The following LRRC49 variants were observed in gnomAD, a reference collection of about 807,000 sequenced individuals.
LRRC49 encodes the protein leucine rich repeat containing 49, also known as leucine-rich repeat-containing protein 49.
Under a neutral mutation model 83.3 loss-of-function variants are expected in LRRC49, and 50 were observed. That is an observed-to-expected ratio of 0.60 (90% CI 0.48 to 0.76). The LOEUF (loss-of-function observed/expected upper bound fraction) is 0.76, where lower values mean the gene tolerates loss of function less well. Ranked by LOEUF, LRRC49 falls within the 30% of genes least tolerant of loss-of-function variation. LRRC49 has a pLI of 0.00. For synonymous variants in LRRC49, 286 were observed against 283.3 expected (o/e 1.01, Z -0.10); for missense variants, 704 against 809.1 (o/e 0.87, Z 1.58).
intron 7 of LRRC49, chr15:70,936,385 T>C (rs919327570): frequency 1.8e-5 from 3 of 169,332 alleles, no homozygotes; most frequent in Non-Finnish European, 3.8e-5. Context: ...ATGTTAAAGC[T>C]TTTGAATGGC....
chr15:70,984,285 A>T, intron 11 of LRRC49, 28 bp downstream of exon 11: 1 of 1,538,846 alleles, frequency 6.5e-7, no homozygotes, highest in Non-Finnish European at 8.8e-7. Context: ...TTCAAGATAC[A>T]AGCATCTTTG....
intron 6 of LRRC49, among the ~76,000 whole-genome samples, chr15:70,912,219 T>C (rs373348273): frequency 2.0e-5 from 3 of 152,188 alleles, no homozygotes; most frequent in East Asian, 3.8e-4. Context: ...CAGTTTCTTA[T>C]TGATAGACAT....
At chr15:70,879,713 T>A (rs894442807) in intron 2 of LRRC49, among the ~76,000 whole-genome samples, 6 of 152,210 alleles carry the variant, frequency 3.9e-5, no homozygotes, top group Admixed American at 6.5e-5. Context: ...CTGGCAGCAC[T>A]GAATTCCTAC....
chr15:70,892,929 G>C lies in LRRC49; in HGVS notation c.35G>C (p.Arg12Pro). The change falls in exon 1 of 16, where the codon CGG (arginine) becomes CCG (proline). Residue 12 changes from arginine (R) to proline (P), a missense_variant. Physicochemically the swap from Arg to Pro is moderately radical, Grantham distance 103. Around this residue, in one of 3 missense-constraint regions of LRRC49, gnomAD observed 261 missense variants for 330.5 expected, o/e 0.79. Transcript: ENST00000260382. ...GGGAAATATCGCTCTGTTTCTGGCC[G>C]GGCTGCGAACAACGTAAGTTGGGCC... ...IPGKYRSVSGRAANNVNCGLH... is the reference protein window; with the variant it reads ...IPGKYRSVSGPAANNVNCGLH... 1.2e-6 allele frequency: 2 copies of C among 1,614,154 alleles called. No individual in the cohort carries two copies. The highest frequency in any genetic ancestry group is 1.7e-6 in the Non-Finnish European group (2 of 1,180,024).
At chr15:70,962,871 T>C (rs2141197197) in intron 8 of LRRC49, among the ~76,000 whole-genome samples, 1 of 152,186 alleles carries the variant, frequency 6.6e-6, no homozygotes. Flanking sequence ...AAGGAGAGGA[T>C]GCAATGGTAA....
intron 3 of LRRC49, 26 bp downstream of exon 3, chr15:70,895,962 T>C: frequency 7.6e-7 from 1 of 1,321,188 alleles, no homozygotes; most frequent in East Asian, 2.3e-5. Context: ...AGAGATCAGA[T>C]GTGGTTCATC....
intron 14 of LRRC49, among the ~76,000 whole-genome samples, chr15:71,022,237 G>A (rs567397152): frequency 2.0e-5 from 3 of 152,118 alleles, no homozygotes; most frequent in African/African-American, 4.8e-5. Flanking sequence ...GCTGGGTGTG[G>A]TGGAACGTGC....
At chr15:70,885,485 G>GA (rs1182022285) in intron 2 of LRRC49, among the ~76,000 whole-genome samples, 1 of 152,074 alleles carries the variant, frequency 6.6e-6, no homozygotes, top group Non-Finnish European at 1.5e-5. Context: ...GCAGCCAGAG[G>GA]AAAAAAGATA....
chr15:70,864,013 G>A (rs569827550), intron 1 of LRRC49, among the ~76,000 whole-genome samples: 1 of 152,292 alleles, frequency 6.6e-6, no homozygotes, highest in South Asian at 2.1e-4. Flanking sequence ...CCAGGGAAGT[G>A]CCTGTAGTGC....
chr15:70,956,303 G>A (rs2036399057), intron 8 of LRRC49, among the ~76,000 whole-genome samples: 1 of 152,130 alleles, frequency 6.6e-6, no homozygotes, highest in African/African-American at 2.4e-5. Context: ...GGGACAGACT[G>A]TTTCTCTATA....
At chr15:70,891,764 CT>C, upstream of LRRC49, 1 of 1,325,776 alleles carries the variant, frequency 7.5e-7, no homozygotes, top group Non-Finnish European at 1.0e-6. Context: ...GATGAGGTGC[CT>C]TTCCCAAGGT....
chr15:70,992,822 C>T (rs1466478504), intron 11 of LRRC49, among the ~76,000 whole-genome samples: 4 of 152,168 alleles, frequency 2.6e-5, no homozygotes, highest in Non-Finnish European at 5.9e-5. Flanking sequence ...TTAGGCTACT[C>T]GGGGGTCAGG....
At chr15:70,984,423 C>A in intron 11 of LRRC49, 166 bp downstream of exon 11, 1 of 569,674 alleles carries the variant, frequency 1.8e-6, no homozygotes, top group Non-Finnish European at 2.9e-6. Flanking sequence ...CTTACTATAA[C>A]ATTCTCCAAA....
intron 6 of LRRC49, among the ~76,000 whole-genome samples, chr15:70,914,991 C>T (rs2034704755): frequency 6.6e-6 from 1 of 152,228 alleles, no homozygotes; most frequent in Non-Finnish European, 1.5e-5. Flanking sequence ...ACTCTCTGAT[C>T]TGTATGACCC....
In LRRC49 at chr15:71,008,625, T is replaced by C. The variant is rs769546208; in HGVS notation, c.1407+9T>C. ...AGTTTCCTAATTCTCTGGTAAATAT[T>C]TCCTTTTAGTAGTATATTTGAATAT... On this transcript the variant is annotated intron_variant, in intron 12 of 15. Transcript: ENST00000260382. 1.9e-6 allele frequency: 3 copies of C among 1,573,804 alleles called. No individual in the cohort carries two copies. Among genetic ancestry groups the C allele is most frequent in the Non-Finnish European group, 1.7e-6 (2 of 1,144,488 alleles).
chr15:70,936,947 A>G, intron 8 of LRRC49, 125 bp downstream of exon 8: 2 of 641,158 alleles, frequency 3.1e-6, no homozygotes, highest in Non-Finnish European at 5.5e-6. Context: ...TTAGAAAATG[A>G]TAAGACAAAG....
chr15:70,950,233 C>T lies in LRRC49; in HGVS notation c.773+13411C>T, dbSNP rs574854641. On this transcript the variant is annotated intron_variant, in intron 8 of 15. Coordinates refer to ENST00000260382, the MANE Select transcript of LRRC49 (RefSeq NM_017691.5). ...CGATGATGGACATCTTGGTTGATTC[C>T]GTGTCTGCTGTTGTAAATAGTGCTG... Among the ~76,000 whole-genome samples, 7 of 152,144 alleles carry T rather than the reference C, an allele frequency of 4.6e-5. No homozygotes were observed. In the East Asian group the frequency reaches 7.7e-4, roughly 17 times the overall value.
intron 7 of LRRC49, among the ~76,000 whole-genome samples, chr15:70,930,967 AT>A (rs1422288813): frequency 6.6e-6 from 1 of 151,940 alleles, no homozygotes; most frequent in Non-Finnish European, 1.5e-5. Flanking sequence ...CTTTCTTCCT[AT>A]TGTTTTTATT....
chr15:70,890,678 G>A (rs2033531489), upstream of LRRC49, among the ~76,000 whole-genome samples: 1 of 152,172 alleles, frequency 6.6e-6, no homozygotes, highest in Non-Finnish European at 1.5e-5. Flanking sequence ...GGGATCAAGG[G>A]GAAAGATGTT....
Sources: allele counts gnomAD v4.1 joint callset (sites outside exome capture counted in the v4.1 genomes callset), GRCh38; gene constraint gnomAD v4.1.1; regional missense constraint gnomAD v4.1.1; transcripts MANE v1.5; gene names NCBI Gene and HGNC (gene_info 2026-07-23, HGNC 2026-07-21).